The following GRB14 variants were observed in gnomAD, a reference collection of about 807,000 sequenced individuals.
GRB14 encodes growth factor receptor bound protein 14.
In GRB14, 38 loss-of-function variants were observed where a neutral mutation model predicts 69.1. The observed-to-expected ratio is 0.55, with a 90% CI of 0.42 to 0.72. The LOEUF (loss-of-function observed/expected upper bound fraction) is 0.72. Among genes scored for constraint, GRB14 ranks in the 30% least tolerant of loss-of-function variants. GRB14 has a pLI of 0.00. For missense variants in GRB14, 666 were observed against 666.1 expected (o/e 1.00, Z 0.00); for synonymous variants, 247 against 241.3 (o/e 1.02, Z -0.22).
intron 2 of GRB14, among the ~76,000 whole-genome samples, chr2:164,589,486 A>G (rs1295800636): frequency 6.6e-6 from 1 of 152,126 alleles, no homozygotes; most frequent in Non-Finnish European, 1.5e-5. Flanking sequence ...TGCTTCCACT[A>G]ATGGTGGAAG....
At chr2:164,514,083 G>A (rs1174944471) in intron 6 of GRB14, among the ~76,000 whole-genome samples, 1 of 152,182 alleles carries the variant, frequency 6.6e-6, no homozygotes, top group Non-Finnish European at 1.5e-5. Context: ...TAAGCATGTA[G>A]ACAAATATAT....
chr2:164,613,151 T>C (rs1250736943), intron 2 of GRB14, among the ~76,000 whole-genome samples: 4 of 152,120 alleles, frequency 2.6e-5, no homozygotes, highest in Admixed American at 6.5e-5. Flanking sequence ...GTACATTAAG[T>C]GAATTGAGAC....
intron 4 of GRB14, 106 bp downstream of exon 4, chr2:164,526,908 C>G: frequency 1.5e-6 from 1 of 646,212 alleles, no homozygotes; most frequent in Non-Finnish European, 2.4e-6. Flanking sequence ...TCTTCATCTA[C>G]AATTTACCGA....
chr2:164,621,121 G>T lies in GRB14; in HGVS notation c.189C>A (p.Asp63Glu), dbSNP rs1690449071. Residue 63 changes from aspartate (D) to glutamate (E), a missense_variant and splice_region_variant, in exon 1 of 14, where the codon GAC becomes GAA. Coordinates refer to ENST00000263915, the MANE Select transcript of GRB14 (RefSeq NM_004490.3). The surrounding 1 kb of genome is among the most constrained non-coding windows in gnomAD (Gnocchi z 6.0). The stretch of plus-strand genomic sequence containing the variant: ...CCGCGCCCTCCAGGGTTGCCTACCT[G>T]TCTGCAGCACAGCCGCGGGTCCCGT... ...LPDGTRGCAA[D>E]RRKKKDLDVP... The T allele has an allele frequency of 8.0e-7, 1 of 1,246,120 alleles. No individual in the cohort carries two copies. The highest frequency in any genetic ancestry group is 1.0e-6 in the Non-Finnish European group (1 of 988,314). 77.2% of individuals were successfully genotyped at this position (1,246,120 alleles called of 1,614,324 possible). A position where few individuals can be genotyped will look rare whatever the true frequency, so the allele number is the denominator to read the frequency against.
At chr2:164,558,465 T>C (rs962583904) in intron 2 of GRB14, among the ~76,000 whole-genome samples, 1 of 152,038 alleles carries the variant, frequency 6.6e-6, no homozygotes, top group Non-Finnish European at 1.5e-5. Flanking sequence ...CTAAATCCAA[T>C]ATGAATAATA....
At position 164,525,708 on chromosome 2, in the gene GRB14, T is replaced by C. The variant is rs146351193; in HGVS notation, c.604-630A>G. The stretch of plus-strand genomic sequence containing the variant: ...ACTCTCCCCTCAGTAAATTTTATGA[T>C]TAGACAAGTTTGGGAAAATATATTC... On this transcript the variant is annotated intron_variant, in intron 4 of 13. Transcript: ENST00000263915. Among the ~76,000 whole-genome samples, 561 of 152,202 alleles carry C rather than the reference T, an allele frequency of 3.7e-3. 6 individuals are homozygous for C. The highest frequency in any genetic ancestry group is 0.012 in the African/African-American group (510 of 41,552).
chr2:164,605,819 T>C (rs1185841280), intron 2 of GRB14, among the ~76,000 whole-genome samples: 1 of 152,194 alleles, frequency 6.6e-6, no homozygotes, highest in Admixed American at 6.5e-5. Context: ...ACCAATAAAA[T>C]CAGAGAAGCT....
chr2:164,526,335 C>G (rs965116817), intron 4 of GRB14, among the ~76,000 whole-genome samples: 1 of 151,738 alleles, frequency 6.6e-6, no homozygotes, highest in Non-Finnish European at 1.5e-5. Context: ...AATAATGAGC[C>G]CAGAGGCTAT....
intron 2 of GRB14, among the ~76,000 whole-genome samples, chr2:164,617,959 T>TTGGGG (rs760744590): frequency 2.6e-5 from 2 of 77,064 alleles, no homozygotes; most frequent in Non-Finnish European, 5.6e-5. Context: ...ATCTTTTTTT[T>TTGGGG]GGGGGGGGGG....
At position 164,618,751 on chromosome 2, in the gene GRB14, C is replaced by T. The variant is rs575447677; in HGVS notation, c.324+936G>A. Among the ~76,000 whole-genome samples, 6 of 152,248 alleles carry T rather than the reference C, an allele frequency of 3.9e-5. No homozygotes were observed. In the South Asian group the frequency reaches 1.2e-3, roughly 32 times the overall value. ...AAATATAAACACACATAGTTGAACC[C>T]ATTAGAAGCAATAAAGGTGCAGAAA... On this transcript the variant is annotated intron_variant, in intron 2 of 13. Transcript: ENST00000263915.
chr2:164,515,259 A>C (rs1315592022), intron 6 of GRB14, among the ~76,000 whole-genome samples: 1 of 152,158 alleles, frequency 6.6e-6, no homozygotes, highest in Non-Finnish European at 1.5e-5. Flanking sequence ...AACCAACACA[A>C]AACGAGCACA....
chr2:164,531,027 G>A (rs1168618342), intron 3 of GRB14, among the ~76,000 whole-genome samples: 2 of 152,166 alleles, frequency 1.3e-5, no homozygotes, highest in African/African-American at 4.8e-5. Flanking sequence ...ACAGAATCTT[G>A]ATGTATTTTG....
chr2:164,586,126 G>A (rs1689532993), intron 2 of GRB14, among the ~76,000 whole-genome samples: 2 of 152,190 alleles, frequency 1.3e-5, no homozygotes, highest in Admixed American at 6.5e-5. Context: ...AGGTCATGAA[G>A]TTGAACCTTA....
intron 3 of GRB14, among the ~76,000 whole-genome samples, chr2:164,537,980 A>C (rs936460721): frequency 1.3e-5 from 2 of 152,006 alleles, no homozygotes; most frequent in African/African-American, 4.8e-5. Flanking sequence ...AGAAGAGGAA[A>C]AACACTTGTA....
chr2:164,611,455 T>G (rs1170296037), intron 2 of GRB14, among the ~76,000 whole-genome samples: 1 of 152,092 alleles, frequency 6.6e-6, no homozygotes, highest in East Asian at 1.9e-4. Flanking sequence ...CTCCTTAAAT[T>G]TTGGCTTAAG....
chr2:164,601,534 T>C (rs1347298599), intron 2 of GRB14, among the ~76,000 whole-genome samples: 1 of 152,126 alleles, frequency 6.6e-6, no homozygotes, highest in Non-Finnish European at 1.5e-5. Context: ...GGGATTGAAA[T>C]CTGAAAATCT....
intron 2 of GRB14, among the ~76,000 whole-genome samples, chr2:164,565,813 CA>C (rs981341631): frequency 6.6e-6 from 1 of 151,990 alleles, no homozygotes; most frequent in African/African-American, 2.4e-5. Context: ...GAGAATCTAC[CA>C]AAATACCTTT....
rs1021952381 is a variant in GRB14 at position 164,594,842 on chromosome 2, C to T, written c.324+24845G>A. ...ATTGACAAAAATAAAAACAGCATTTCAAGAAGAGGCAAAGAAAAGTGTATC... is the reference window on the plus strand; with the variant it reads ...ATTGACAAAAATAAAAACAGCATTTTAAGAAGAGGCAAAGAAAAGTGTATC... On this transcript the variant is annotated intron_variant, in intron 2 of 13. Coordinates refer to ENST00000263915, the MANE Select transcript of GRB14 (RefSeq NM_004490.3). Among the ~76,000 whole-genome samples, 14 of 152,162 alleles carry T rather than the reference C, an allele frequency of 9.2e-5. 1 individual carries two copies. The highest frequency in any genetic ancestry group is 5.9e-4 in the Admixed American group (9 of 15,266).
chr2:164,502,440 T>G (rs1008920526), intron 8 of GRB14, 105 bp from the exon 9 acceptor site: 2 of 713,998 alleles, frequency 2.8e-6, no homozygotes, highest in African/African-American at 3.6e-5. Context: ...TAAAAACAAT[T>G]AAAGCAAACA....
Sources: gnomAD v4.1 joint callset for allele counts (sites outside exome capture counted in the v4.1 genomes callset) on GRCh38, gnomAD v4.1.1 for gene constraint, Gnocchi (gnomAD v3.1) non-coding constraint, MANE v1.5 for transcripts, NCBI Gene and HGNC (gene_info 2026-07-23, HGNC 2026-07-21) for gene names.